LDLRAD3: variants seen among roughly 807,000 people sequenced by gnomAD.
LDLRAD3 encodes the protein low density lipoprotein receptor class A domain containing 3.
A neutral mutation model predicts 29.4 loss-of-function variants in LDLRAD3; 20 were observed. The ratio of observed to expected loss-of-function variants is 0.68; its 90% CI spans 0.48 to 0.99. The LOEUF is 0.99. Among genes scored for constraint, LDLRAD3 ranks in the 50% least tolerant of loss-of-function variants. The pLI, the probability that LDLRAD3 is intolerant of heterozygous loss-of-function variation, is 0.00. For missense variants in LDLRAD3, 420 were observed against 454.3 expected, an observed-to-expected ratio of 0.92 and a Z score of 0.69; for synonymous variants, 157 against 192.7, an observed-to-expected ratio of 0.81 and a Z score of 1.53.
intron 4 of LDLRAD3, among the ~76,000 whole-genome samples, chr11:36,194,451 C>A (rs760256825): frequency 6.6e-6 from 1 of 152,152 alleles, no homozygotes; most frequent in Non-Finnish European, 1.5e-5. Context: ...ACATTTTCAA[C>A]CACCTAGTGA....
At chr11:36,125,594 GT>G (rs1169648201) in intron 4 of LDLRAD3, among the ~76,000 whole-genome samples, 2 of 152,196 alleles carry the variant, frequency 1.3e-5, no homozygotes, top group Admixed American at 1.3e-4. Flanking sequence ...GATGGGGTGA[GT>G]TTGTAAGCTC....
chr11:36,128,018 G>A (rs1191548115), intron 4 of LDLRAD3, among the ~76,000 whole-genome samples: 3 of 151,180 alleles, frequency 2.0e-5, no homozygotes, highest in African/African-American at 4.9e-5. Context: ...GATGTACACC[G>A]AGGAGGCAGG....
intron 4 of LDLRAD3, among the ~76,000 whole-genome samples, chr11:36,148,044 T>A (rs1854223694): frequency 6.6e-6 from 1 of 151,992 alleles, no homozygotes; most frequent in African/African-American, 2.4e-5. Flanking sequence ...CTAATGGTTG[T>A]ATTGTTAGTA....
chr11:36,083,753 CA>C (rs1853152529), intron 3 of LDLRAD3, among the ~76,000 whole-genome samples: 3 of 150,640 alleles, frequency 2.0e-5, no homozygotes, highest in African/African-American at 7.3e-5. Context: ...CACACACACA[CA>C]CACACACACA....
At chr11:36,143,556 G>A (rs1235264571) in intron 4 of LDLRAD3, among the ~76,000 whole-genome samples, 4 of 152,226 alleles carry the variant, frequency 2.6e-5, no homozygotes, top group Non-Finnish European at 5.9e-5. Context: ...CAGGGAGAAT[G>A]CCACAGGAAA....
chr11:36,229,404 G>C lies in LDLRAD3; in HGVS notation c.*7G>C. On this transcript the variant is annotated 3_prime_UTR_variant, in exon 6 of 6. Transcript: ENST00000315571. ...GGGCACTGAAGAAGTATAAGTCCCA[G>C]TTATTCCAAAGTCCATATGGGTTAA... 6.3e-7 allele frequency: 1 copy of C among 1,590,758 alleles called. No homozygotes were observed. The highest frequency in any genetic ancestry group is 8.6e-7 in the Non-Finnish European group (1 of 1,160,306).
intron 2 of LDLRAD3, among the ~76,000 whole-genome samples, chr11:36,059,660 T>C (rs1182098415): frequency 6.6e-6 from 1 of 152,238 alleles, no homozygotes; most frequent in East Asian, 1.9e-4. Flanking sequence ...TCTAAACCTC[T>C]CTGGAACTGC....
At chr11:36,186,248 C>T (rs1237947867) in intron 4 of LDLRAD3, among the ~76,000 whole-genome samples, 9 of 152,166 alleles carry the variant, frequency 5.9e-5, no homozygotes, top group African/African-American at 1.9e-4. Flanking sequence ...TGGTGTTATA[C>T]AGATCAATCA....
chr11:35,990,268 G>A (rs1271719173), intron 1 of LDLRAD3, among the ~76,000 whole-genome samples: 2 of 152,138 alleles, frequency 1.3e-5, no homozygotes, highest in African/African-American at 2.4e-5. Context: ...CACAGTTGTG[G>A]AGAGAGAAGT....
chr11:36,102,383 C>T (rs1193204663), intron 4 of LDLRAD3, among the ~76,000 whole-genome samples: 1 of 152,166 alleles, frequency 6.6e-6, no homozygotes, highest in East Asian at 1.9e-4. Flanking sequence ...GTAGAGCAAA[C>T]TGGCTGGCTC....
At chr11:36,154,820 C>A (rs1854324895) in intron 4 of LDLRAD3, among the ~76,000 whole-genome samples, 2 of 152,178 alleles carry the variant, frequency 1.3e-5, no homozygotes. Flanking sequence ...AATTTTCCAT[C>A]ATGGACAAAC....
chr11:35,959,515 A>T (rs1042447919), intron 1 of LDLRAD3, among the ~76,000 whole-genome samples: 3 of 152,230 alleles, frequency 2.0e-5, no homozygotes. Flanking sequence ...AAATTATTGA[A>T]TCTTCCGAAT....
intron 4 of LDLRAD3, among the ~76,000 whole-genome samples, chr11:36,098,699 T>C (rs1853401325): frequency 6.6e-6 from 1 of 152,246 alleles, no homozygotes. Context: ...TCTATACATT[T>C]CTCTTCAAAA....
rs1329445731 is a variant in LDLRAD3, at chr11:35,955,914, A to AG, written c.46+11774dup. Among the ~76,000 whole-genome samples the AG allele has an allele frequency of 2.0e-5, 3 of 152,358 alleles. No individual in the cohort carries two copies. The East Asian group carries it at 5.8e-4, about 29-fold the overall frequency. ...CTGACCAGTTCCTTGGGGAGCCCCC[A>AG]GGGGCCTTTCCTACACACCTGCTCC... is the stretch of plus-strand genomic sequence containing the variant. On this transcript the variant is annotated intron_variant, in intron 1 of 5. Coordinates refer to ENST00000315571, the MANE Select transcript of LDLRAD3 (RefSeq NM_174902.4).
chr11:36,164,264 C>T (rs1019294009), intron 4 of LDLRAD3, among the ~76,000 whole-genome samples: 5 of 152,204 alleles, frequency 3.3e-5, no homozygotes, highest in African/African-American at 1.2e-4. Flanking sequence ...TCACAAGCTG[C>T]CTGCTGCTGA....
At chr11:36,069,064 A>G (rs980712071) in intron 2 of LDLRAD3, among the ~76,000 whole-genome samples, 1 of 152,240 alleles carries the variant, frequency 6.6e-6, no homozygotes, top group Non-Finnish European at 1.5e-5. Flanking sequence ...GGAAGAAATA[A>G]TACATTGCAA....
chr11:36,030,032 A>G (rs1311185696), intron 1 of LDLRAD3, among the ~76,000 whole-genome samples: 1 of 152,092 alleles, frequency 6.6e-6, no homozygotes, highest in East Asian at 1.9e-4. Flanking sequence ...CTTCTCACCA[A>G]TTTCCCTGGG....
chr11:36,226,513 T>TAA (rs1431017470), intron 4 of LDLRAD3, among the ~76,000 whole-genome samples: 1 of 152,246 alleles, frequency 6.6e-6, no homozygotes. Context: ...TGATACTTTT[T>TAA]AAAACAACTT....
chr11:36,096,314 G>A (rs920003175), intron 3 of LDLRAD3, among the ~76,000 whole-genome samples: 1 of 152,242 alleles, frequency 6.6e-6, no homozygotes, highest in Non-Finnish European at 1.5e-5. Flanking sequence ...ACAGGGAGTA[G>A]ATTACAACTG....
Sources: gnomAD v4.1 joint callset for allele counts (sites outside exome capture counted in the v4.1 genomes callset) on GRCh38, gnomAD v4.1.1 for gene constraint, MANE v1.5 for transcripts, NCBI Gene and HGNC (gene_info 2026-07-23, HGNC 2026-07-21) for gene names.